The following MED27 variants were observed in gnomAD, a reference collection of about 807,000 sequenced individuals.
MED27 encodes the protein mediator of RNA polymerase II transcription subunit 27.
In MED27, 30 loss-of-function variants were observed where a neutral mutation model predicts 38.2. That is an observed-to-expected ratio of 0.79 (90% CI 0.59 to 1.07). The LOEUF (loss-of-function observed/expected upper bound fraction) is 1.07. Among genes scored for constraint, MED27 ranks in the 50% least tolerant of loss-of-function variants. The pLI, the probability that MED27 is intolerant of heterozygous loss-of-function variation, is 0.00. For missense variants in MED27, 289 were observed against 397.5 expected, an observed-to-expected ratio of 0.73 and a Z score of 2.32; for synonymous variants, 122 against 153.5, an observed-to-expected ratio of 0.79 and a Z score of 1.52.
intron 4 of MED27, among the ~76,000 whole-genome samples, chr9:131,929,976 G>A (rs963248426): frequency 2.0e-5 from 3 of 152,250 alleles, no homozygotes; most frequent in Admixed American, 2.0e-4. Context: ...AGTCTCAGGA[G>A]TGGTGGCCAC....
chr9:132,077,702 G>T, intron 1 of MED27, 116 bp from the exon 2 acceptor site: 1 of 1,012,482 alleles, frequency 9.9e-7, no homozygotes, highest in African/African-American at 1.6e-5. Flanking sequence ...CCCTTAAGAA[G>T]AAATACTTTT....
chr9:131,953,880 T>A (rs536773518), intron 3 of MED27, among the ~76,000 whole-genome samples: 4 of 151,116 alleles, frequency 2.6e-5, no homozygotes, highest in Admixed American at 2.6e-4. Context: ...GCCAGTGGCA[T>A]GATCTTGGCT....
intron 5 of MED27, among the ~76,000 whole-genome samples, chr9:131,891,996 G>T (rs1373734117): frequency 6.6e-6 from 1 of 152,188 alleles, no homozygotes; most frequent in East Asian, 1.9e-4. Flanking sequence ...ATAAGGAAAA[G>T]AGGAGGGAAA....
intron 2 of MED27, among the ~76,000 whole-genome samples, chr9:132,026,134 C>G (rs1832812280): frequency 6.6e-6 from 1 of 152,240 alleles, no homozygotes; most frequent in Middle Eastern, 3.4e-3. Context: ...AAGAACAAGC[C>G]GAGCAACCAA....
intron 3 of MED27, among the ~76,000 whole-genome samples, chr9:131,942,661 C>T (rs535842153): frequency 2.0e-5 from 3 of 152,184 alleles, no homozygotes; most frequent in Non-Finnish European, 4.4e-5. Flanking sequence ...TCCATTGTAC[C>T]TTTCACCTTG....
intron 4 of MED27, among the ~76,000 whole-genome samples, chr9:131,926,827 CT>C (rs1325182080): frequency 6.6e-6 from 1 of 152,184 alleles, no homozygotes; most frequent in Non-Finnish European, 1.5e-5. Flanking sequence ...TTTAGAAAGA[CT>C]GATAAATGAG....
At chr9:132,045,707 G>C (rs1285981278) in intron 2 of MED27, among the ~76,000 whole-genome samples, 2 of 152,194 alleles carry the variant, frequency 1.3e-5, no homozygotes, top group Admixed American at 1.3e-4. Flanking sequence ...TACGTTTTGA[G>C]TTACGGAACT....
intron 4 of MED27, among the ~76,000 whole-genome samples, chr9:131,914,571 A>G (rs1006018623): frequency 5.3e-5 from 8 of 152,250 alleles, no homozygotes; most frequent in Non-Finnish European, 1.5e-5. Context: ...CTATCCTCAC[A>G]GAGCTCTCAT....
chr9:131,881,048 G>A (rs949200306), intron 6 of MED27, among the ~76,000 whole-genome samples: 1 of 152,186 alleles, frequency 6.6e-6, no homozygotes, highest in African/African-American at 2.4e-5. Context: ...TTGGCCTTTT[G>A]TGGAGACTGG....
At chr9:131,881,776 C>T (rs544328121) in intron 6 of MED27, among the ~76,000 whole-genome samples, 5 of 149,374 alleles carry the variant, frequency 3.3e-5, no homozygotes, top group African/African-American at 1.2e-4. Flanking sequence ...CCCTCCTTCC[C>T]TCCCTCCCTT....
At chr9:131,999,630 C>T (rs1203468789) in intron 3 of MED27, among the ~76,000 whole-genome samples, 1 of 151,842 alleles carries the variant, frequency 6.6e-6, no homozygotes, top group Non-Finnish European at 1.5e-5. Context: ...TACTGAATTG[C>T]AAAAATGAAT....
intron 3 of MED27, among the ~76,000 whole-genome samples, chr9:131,996,387 G>A (rs927742100): frequency 1.3e-5 from 2 of 152,170 alleles, no homozygotes; most frequent in African/African-American, 4.8e-5. Flanking sequence ...GGAGCCGGCA[G>A]AGGTCACAGC....
chr9:132,002,161 T>C (rs555944000), intron 3 of MED27, among the ~76,000 whole-genome samples: 4 of 152,306 alleles, frequency 2.6e-5, no homozygotes, highest in African/African-American at 9.6e-5. Context: ...GCTCAGAGCG[T>C]AACTGAGGTT....
In MED27 at chr9:131,862,364, G is replaced by C. The variant is rs913509; in HGVS notation, c.801+699C>G. 6.6e-6 allele frequency among the ~76,000 whole-genome samples: 1 copy of C among 151,952 alleles called. No homozygotes were observed. The highest frequency in any genetic ancestry group is 2.4e-5 in the African/African-American group (1 of 41,340). On this transcript the variant is annotated intron_variant, in intron 7 of 7. Coordinates refer to ENST00000292035, the MANE Select transcript of MED27 (RefSeq NM_004269.4). The surrounding 1 kb of genome is among the most constrained non-coding windows in gnomAD (Gnocchi z 4.6). ...CATGCGGCCGTGTGAGCATGCTGGCGTGAGAGCATGACGGTGGAACAGCTG... is the reference window on the plus strand; with the variant it reads ...CATGCGGCCGTGTGAGCATGCTGGCCTGAGAGCATGACGGTGGAACAGCTG...
intron 3 of MED27, among the ~76,000 whole-genome samples, chr9:132,000,509 AC>A (rs1473679721): frequency 6.6e-6 from 1 of 152,160 alleles, no homozygotes; most frequent in Non-Finnish European, 1.5e-5. Flanking sequence ...CTCAATATTT[AC>A]CCAAGAGAAA....
chr9:132,045,360 T>C (rs1359136274), intron 2 of MED27, among the ~76,000 whole-genome samples: 1 of 152,002 alleles, frequency 6.6e-6, no homozygotes, highest in Non-Finnish European at 1.5e-5. Flanking sequence ...ATGATTTGTA[T>C]GTATATTGTT....
At chr9:131,869,473 CTAA>C in intron 6 of MED27, 2 of 924,910 alleles carry the variant, frequency 2.2e-6, no homozygotes, top group Non-Finnish European at 2.6e-6. Context: ...TGCGGCAAAG[CTAA>C]TGAGATTCCG....
At chr9:131,999,813 G>A (rs1731543332) in intron 3 of MED27, among the ~76,000 whole-genome samples, 1 of 152,108 alleles carries the variant, frequency 6.6e-6, no homozygotes, top group Non-Finnish European at 1.5e-5. Context: ...CATCTGTACA[G>A]GAAAGGAGGT....
chr9:132,078,961 G>A (rs1834114429), intron 1 of MED27, among the ~76,000 whole-genome samples: 1 of 152,184 alleles, frequency 6.6e-6, no homozygotes, highest in Non-Finnish European at 1.5e-5. Flanking sequence ...GAGGAAAAGT[G>A]GAATCCTTAA....
Sources: allele counts gnomAD v4.1 joint callset (sites outside exome capture counted in the v4.1 genomes callset), GRCh38; gene constraint gnomAD v4.1.1; non-coding constraint Gnocchi (gnomAD v3.1); transcripts MANE v1.5; gene names NCBI Gene and HGNC (gene_info 2026-07-23, HGNC 2026-07-21).